The following KLHL1 variants were observed in gnomAD, a reference collection of about 807,000 sequenced individuals.
The protein encoded by KLHL1 is kelch like family member 1, also known as kelch-like protein 1.
In KLHL1, 47 loss-of-function variants were observed where a neutral mutation model predicts 77.7. The ratio of observed to expected loss-of-function variants is 0.60; its 90% CI spans 0.48 to 0.77. KLHL1 has a LOEUF of 0.77. Among genes scored for constraint, KLHL1 ranks in the 30% least tolerant of loss-of-function variants. KLHL1 has a pLI of 0.00. For missense variants in KLHL1, 925 were observed against 910.8 expected (o/e 1.02, Z -0.20); for synonymous variants, 360 against 325.2 (o/e 1.11, Z -1.15).
intron 9 of KLHL1, among the ~76,000 whole-genome samples, chr13:69,712,548 G>A (rs1364361202): frequency 6.6e-6 from 1 of 151,772 alleles, no homozygotes; most frequent in Admixed American, 6.6e-5. Context: ...TTTATTTATA[G>A]TGTATTGTTA....
chr13:69,744,404 T>G (rs1198142644), intron 7 of KLHL1, among the ~76,000 whole-genome samples: 2 of 152,016 alleles, frequency 1.3e-5, no homozygotes, highest in Non-Finnish European at 2.9e-5. Context: ...TAGTGATATA[T>G]CCTGTAAACA....
At chr13:69,827,998 A>G (rs1213285519) in intron 6 of KLHL1, among the ~76,000 whole-genome samples, 1 of 150,318 alleles carries the variant, frequency 6.7e-6, no homozygotes, top group Non-Finnish European at 1.5e-5. Flanking sequence ...TATTTGTAAT[A>G]TATGTCATTG....
At chr13:70,061,596 C>T (rs892772490) in intron 1 of KLHL1, among the ~76,000 whole-genome samples, 1 of 152,074 alleles carries the variant, frequency 6.6e-6, no homozygotes, top group African/African-American at 2.4e-5. Flanking sequence ...CTGAGGCTGC[C>T]ACAATCCAAT....
At chr13:69,744,661 C>A (rs1057260326) in intron 7 of KLHL1, among the ~76,000 whole-genome samples, 1 of 151,604 alleles carries the variant, frequency 6.6e-6, no homozygotes, top group Non-Finnish European at 1.5e-5. Flanking sequence ...AAGGTACACC[C>A]CCCCCAAAAG....
At chr13:70,039,933 T>C (rs987771456) in intron 1 of KLHL1, among the ~76,000 whole-genome samples, 1 of 152,106 alleles carries the variant, frequency 6.6e-6, no homozygotes, top group Admixed American at 6.6e-5. Context: ...TTTAAAAAAA[T>C]ATATATTTTT....
chr13:69,707,762 C>A lies in KLHL1; in HGVS notation c.2050G>T (p.Ala684Ser). The change falls in exon 10 of 11, where the codon GCT (alanine) becomes TCT (serine). Residue 684 changes from alanine to serine, a missense_variant. Coordinates refer to ENST00000377844, the MANE Select transcript of KLHL1 (RefSeq NM_020866.3). ...DPKTDTWTMV[A>S]PLSMPRDAVG... The stretch of plus-strand genomic sequence containing the variant: ...GCATCTCTGGGCATACTCAAAGGAG[C>A]CACCATGGTCCAAGTGTCTGTTTTG... The A allele has an allele frequency of 6.2e-7, 1 of 1,612,608 alleles. No individual in the cohort carries two copies. Among genetic ancestry groups the A allele is most frequent in the Non-Finnish European group, 8.5e-7 (1 of 1,179,082 alleles).
intron 7 of KLHL1, among the ~76,000 whole-genome samples, chr13:69,791,825 T>C (rs1443763725): frequency 2.6e-5 from 4 of 152,132 alleles, no homozygotes; most frequent in African/African-American, 9.7e-5. Flanking sequence ...AATCTAAAAC[T>C]TTAAAAAGAC....
chr13:69,902,714 A>T, intron 4 of KLHL1, among the ~76,000 whole-genome samples: 1 of 140,696 alleles, frequency 7.1e-6, no homozygotes, highest in Admixed American at 7.3e-5. Context: ...ATGAGAACAC[A>T]CAGACAGAGG....
At chr13:69,712,777 G>T (rs1401145259) in intron 9 of KLHL1, among the ~76,000 whole-genome samples, 1 of 146,218 alleles carries the variant, frequency 6.8e-6, no homozygotes, top group African/African-American at 2.5e-5. Context: ...TTTTTTGGGG[G>T]GGGGGTTTTG....
At chr13:69,743,819 AAACAG>A in intron 7 of KLHL1, among the ~76,000 whole-genome samples, 1 of 92,166 alleles carries the variant, frequency 1.1e-5, no homozygotes. Flanking sequence ...CAAAACAAAA[AAACAG>A]AAAAAAAAAA....
intron 1 of KLHL1, among the ~76,000 whole-genome samples, chr13:70,077,880 T>C (rs930425113): frequency 6.6e-6 from 1 of 152,064 alleles, no homozygotes; most frequent in African/African-American, 2.4e-5. Context: ...GGATATGTTC[T>C]GTGCCCTTTC....
chr13:69,936,667 T>C (rs1332012564), intron 4 of KLHL1, among the ~76,000 whole-genome samples: 1 of 151,814 alleles, frequency 6.6e-6, no homozygotes, highest in Non-Finnish European at 1.5e-5. Flanking sequence ...TTTTTTTTAA[T>C]TAAGAAAATA....
intron 6 of KLHL1, among the ~76,000 whole-genome samples, chr13:69,823,755 T>A (rs1878434838): frequency 6.6e-6 from 1 of 152,120 alleles, no homozygotes; most frequent in Non-Finnish European, 1.5e-5. Flanking sequence ...TCCACTTCTC[T>A]TACCTCTTGC....
At chr13:69,920,931 C>A (rs1230546441) in intron 4 of KLHL1, among the ~76,000 whole-genome samples, 1 of 152,148 alleles carries the variant, frequency 6.6e-6, no homozygotes, top group Non-Finnish European at 1.5e-5. Flanking sequence ...TAAATGCTAA[C>A]TTCTATCCTG....
intron 4 of KLHL1, among the ~76,000 whole-genome samples, chr13:69,928,293 A>G (rs545539347): frequency 4.6e-5 from 7 of 152,248 alleles, no homozygotes; most frequent in Non-Finnish European, 8.8e-5. Context: ...CCAATTGACA[A>G]TCTCCACACT....
chr13:69,929,622 T>C (rs1415256875), intron 4 of KLHL1, among the ~76,000 whole-genome samples: 2 of 151,984 alleles, frequency 1.3e-5, no homozygotes, highest in African/African-American at 2.4e-5. Context: ...TATTTTAAAA[T>C]TGAACTTCAA....
intron 4 of KLHL1, among the ~76,000 whole-genome samples, chr13:69,896,536 T>TG (rs2138218466): frequency 6.6e-6 from 1 of 152,306 alleles, no homozygotes; most frequent in South Asian, 2.1e-4. Context: ...TGCATGAAGC[T>TG]GATGGATGAC....
chr13:69,853,418 C>G (rs574510225), intron 5 of KLHL1, among the ~76,000 whole-genome samples: 1 of 152,092 alleles, frequency 6.6e-6, no homozygotes, highest in South Asian at 2.1e-4. Flanking sequence ...TTTCCCGAGG[C>G]CTCCCCAGCC....
intron 3 of KLHL1, 30 bp from the exon 4 acceptor site, chr13:69,940,266 T>C: frequency 6.5e-7 from 1 of 1,530,972 alleles, no homozygotes; most frequent in Non-Finnish European, 8.9e-7. Flanking sequence ...ATTATGAAAC[T>C]CTTTTAAAAA....
Sources: gnomAD v4.1 joint callset for allele counts (sites outside exome capture counted in the v4.1 genomes callset) on GRCh38, gnomAD v4.1.1 for gene constraint, MANE v1.5 for transcripts, NCBI Gene and HGNC (gene_info 2026-07-23, HGNC 2026-07-21) for gene names.